SMPD3: variants seen among roughly 807,000 people sequenced by gnomAD.
SMPD3 encodes sphingomyelin phosphodiesterase 3, also known as nSMase-2.
A neutral mutation model predicts 55.7 loss-of-function variants in SMPD3; 21 were observed. The observed-to-expected ratio is 0.38, with a 90% confidence interval of 0.27 to 0.54. The LOEUF (loss-of-function observed/expected upper bound fraction) is 0.54, where lower values mean the gene tolerates loss of function less well. Ranked by LOEUF, SMPD3 falls within the 20% of genes least tolerant of loss-of-function variation. The pLI is 0.80. For synonymous variants in SMPD3, 457 were observed against 404.3 expected, an observed-to-expected ratio of 1.13 and a Z score of -1.56; for missense variants, 842 against 899.6, an observed-to-expected ratio of 0.94 and a Z score of 0.82.
intron 1 of SMPD3, among the ~76,000 whole-genome samples, chr16:68,416,297 C>A (rs978940014): frequency 6.6e-6 from 1 of 152,206 alleles, no homozygotes; most frequent in Non-Finnish European, 1.5e-5. Context: ...AGGCCTCGCC[C>A]TCTTCCCTGG....
chr16:68,435,657 G>A (rs1206241694), intron 1 of SMPD3, among the ~76,000 whole-genome samples: 2 of 152,202 alleles, frequency 1.3e-5, no homozygotes, highest in Non-Finnish European at 2.9e-5. Context: ...GGAGACACAG[G>A]CCAAGAAGGG....
At chr16:68,367,878 T>G (rs1468831853) in intron 3 of SMPD3, 3 of 152,170 alleles carry the variant, frequency 2.0e-5, no homozygotes, top group African/African-American at 7.2e-5. Context: ...AGAATAAGGC[T>G]CTATTGTAGG....
intron 1 of SMPD3, among the ~76,000 whole-genome samples, chr16:68,406,049 G>C (rs982991181): frequency 5.3e-5 from 8 of 152,174 alleles, no homozygotes; most frequent in Admixed American, 2.0e-4. Flanking sequence ...TCAACAGCAG[G>C]GCGGGCAGTT....
intron 1 of SMPD3, among the ~76,000 whole-genome samples, chr16:68,426,188 G>A (rs1377494351): frequency 6.6e-6 from 1 of 152,146 alleles, no homozygotes; most frequent in Non-Finnish European, 1.5e-5. Context: ...TACATGATCA[G>A]GTATCTAGTC....
intron 1 of SMPD3, among the ~76,000 whole-genome samples, chr16:68,407,578 T>A (rs2152016113): frequency 6.6e-6 from 1 of 152,176 alleles, no homozygotes; most frequent in East Asian, 1.9e-4. Context: ...CAAAGGATCC[T>A]CCCGTCTCAG....
intron 1 of SMPD3, among the ~76,000 whole-genome samples, chr16:68,437,057 C>T (rs530423139): frequency 5.5e-4 from 84 of 152,324 alleles, no homozygotes; most frequent in Non-Finnish European, 9.7e-4. Flanking sequence ...CATGAAGTGG[C>T]CATGTGCATT....
intron 1 of SMPD3, among the ~76,000 whole-genome samples, chr16:68,405,246 G>A (rs2090243978): frequency 6.6e-6 from 1 of 152,044 alleles, no homozygotes; most frequent in Non-Finnish European, 1.5e-5. Context: ...TTCCTTGGCA[G>A]GTTTCATTAA....
At chr16:68,431,370 T>C (rs1436584812) in intron 1 of SMPD3, among the ~76,000 whole-genome samples, 4 of 152,214 alleles carry the variant, frequency 2.6e-5, no homozygotes, top group Non-Finnish European at 5.9e-5. Context: ...CTAGGGACTT[T>C]TTCTGTATTA....
At position 68,371,613 on chromosome 16, in the gene SMPD3, G is replaced by T. The variant is rs2151983742; in HGVS notation, c.569C>A (p.Pro190Gln). ...CCGGGCCACCCCATCGCCGCCCTGT[G>T]GTGACACCAGGCTGCTGAAGCTAGC... ...SAASFSSLVS[P>Q]QGGDGVARAV... The change falls in exon 3 of 9, where the codon CCA (proline) becomes CAA (glutamine). Residue 190 changes from proline to glutamine, a missense_variant. Pro to Gln is a moderately conservative substitution (Grantham distance 76, BLOSUM62 -1). This residue lies in a region of SMPD3 where 649 missense variants were observed against 643.6 expected (regional missense o/e 1.01). Transcript: ENST00000219334. The T allele has an allele frequency of 6.4e-7, 1 of 1,567,010 alleles. No homozygotes were observed. The highest frequency in any genetic ancestry group is 2.2e-5 in the East Asian group (1 of 44,460).
At chr16:68,416,499 A>G (rs1033196980) in intron 1 of SMPD3, among the ~76,000 whole-genome samples, 1 of 152,192 alleles carries the variant, frequency 6.6e-6, no homozygotes, top group African/African-American at 2.4e-5. Flanking sequence ...ACACAATCTA[A>G]GGCCGTTGTT....
At chr16:68,421,888 G>A (rs2090397951) in intron 1 of SMPD3, among the ~76,000 whole-genome samples, 1 of 152,228 alleles carries the variant, frequency 6.6e-6, no homozygotes, top group African/African-American at 2.4e-5. Flanking sequence ...GCTACTCTAT[G>A]TGGCAAAAGG....
intron 1 of SMPD3, among the ~76,000 whole-genome samples, chr16:68,414,416 C>T (rs963787586): frequency 4.5e-4 from 69 of 152,330 alleles, no homozygotes; most frequent in African/African-American, 1.4e-3. Context: ...ATGTGCAGTC[C>T]CACCTGTGGG....
chr16:68,394,922 G>A (rs568645039), intron 1 of SMPD3, among the ~76,000 whole-genome samples: 182 of 152,246 alleles, frequency 1.2e-3, no homozygotes, highest in Non-Finnish European at 2.1e-3. Context: ...TATGACTGAG[G>A]CTTGTCCTAT....
At chr16:68,414,065 G>C (rs1184365229) in intron 1 of SMPD3, among the ~76,000 whole-genome samples, 1 of 152,182 alleles carries the variant, frequency 6.6e-6, no homozygotes, top group East Asian at 1.9e-4. Context: ...TCCCTGCTCT[G>C]GTCTCTGTCC....
chr16:68,419,162 G>A (rs1366155533), intron 1 of SMPD3, among the ~76,000 whole-genome samples: 1 of 152,162 alleles, frequency 6.6e-6, no homozygotes, highest in Admixed American at 6.5e-5. Context: ...AGGGATGCTG[G>A]ACCATACCCT....
chr16:68,442,380 G>T (rs188656667), intron 1 of SMPD3, among the ~76,000 whole-genome samples: 14 of 152,302 alleles, frequency 9.2e-5, no homozygotes, highest in African/African-American at 2.2e-4. Flanking sequence ...CAGGGTTTCT[G>T]TGTCTGTTTC....
chr16:68,363,464 C>T, intron 7 of SMPD3, 32 bp downstream of exon 7: 1 of 1,613,114 alleles, frequency 6.2e-7, no homozygotes, highest in African/African-American at 1.3e-5. Context: ...TCAGGGTGTG[C>T]CTCGTCCCTG....
In SMPD3 at chr16:68,371,328, T is replaced by C. The variant is rs763101664; in HGVS notation, c.854A>G (p.Gln285Arg). Residue 285 changes from glutamine (Q) to arginine (R), a missense_variant, in exon 3 of 9, where the codon CAG becomes CGG. Coordinates refer to ENST00000219334, the MANE Select transcript of SMPD3 (RefSeq NM_018667.4). ...GCCCAGGCTCCCTGAATCCCCGTCCTGCTGATTATGGTTGGGCGTCTGGCC... is the reference window on the plus strand; with the variant it reads ...GCCCAGGCTCCCTGAATCCCCGTCCCGCTGATTATGGTTGGGCGTCTGGCC... ...PRGQTPNHNQ[Q>R]DGDSGSLGSP... The C allele has an allele frequency of 8.8e-6, 14 of 1,595,452 alleles. No individual in the cohort carries two copies. Among genetic ancestry groups the C allele is most frequent in the Middle Eastern group, 3.3e-4 (2 of 6,044 alleles).
chr16:68,417,831 A>T lies in SMPD3; in HGVS notation c.-269+30522T>A, dbSNP rs565711043. Among the ~76,000 whole-genome samples the T allele has an allele frequency of 9.2e-5, 14 of 152,338 alleles. No homozygotes were observed. The East Asian group carries it at 2.7e-3, about 29-fold the overall frequency. ...AAGTAGGGTATAAATGAGTAAACAC[A>T]TACATACAGCCATGGGGGTGTGGTG... On this transcript the variant is annotated intron_variant, in intron 1 of 8. Coordinates refer to ENST00000219334, the MANE Select transcript of SMPD3 (RefSeq NM_018667.4).
Sources: gnomAD v4.1 joint callset for allele counts (sites outside exome capture counted in the v4.1 genomes callset) on GRCh38, gnomAD v4.1.1 for gene constraint, gnomAD v4.1.1 regional missense constraint, MANE v1.5 for transcripts, NCBI Gene and HGNC (gene_info 2026-07-23, HGNC 2026-07-21) for gene names.